The following STAG1 variants were observed in gnomAD, a reference collection of about 807,000 sequenced individuals.
The protein encoded by STAG1 is cohesin subunit SA-1.
STAG1 carries 26 observed loss-of-function variants against 170.9 expected under a neutral mutation model. The ratio of observed to expected loss-of-function variants is 0.15; its 90% confidence interval spans 0.11 to 0.21. The LOEUF (loss-of-function observed/expected upper bound fraction) is 0.21. STAG1 is among the 10% of genes least tolerant of loss of function. The pLI is 1.00. For missense variants in STAG1, 964 were observed against 1,509.5 expected (o/e 0.64, Z 5.99); for synonymous variants, 514 against 497.7 (o/e 1.03, Z -0.44).
chr3:136,591,578 G>T, intron 4 of STAG1: 1 of 429,628 alleles, frequency 2.3e-6, no homozygotes, highest in Non-Finnish European at 4.6e-6. Context: ...AAAATTATCT[G>T]TTAAGTGAGA....
At chr3:136,486,323 G>A (rs373398499) in intron 9 of STAG1, among the ~76,000 whole-genome samples, 1 of 152,074 alleles carries the variant, frequency 6.6e-6, no homozygotes, top group African/African-American at 2.4e-5. Context: ...CCTGACATTT[G>A]GTATTATCCT....
At chr3:136,680,975 A>G (rs1026450418) in intron 1 of STAG1, among the ~76,000 whole-genome samples, 15 of 151,620 alleles carry the variant, frequency 9.9e-5, no homozygotes, top group African/African-American at 3.6e-4. Context: ...TCCTACAAAC[A>G]TCTGTCCATA....
chr3:136,433,887 G>A (rs2088381602), intron 15 of STAG1, among the ~76,000 whole-genome samples: 1 of 151,912 alleles, frequency 6.6e-6, no homozygotes, highest in African/African-American at 2.4e-5. Context: ...ATAAACTCTG[G>A]TCTCTTCTAA....
At chr3:136,355,563 A>C (rs1307096467) in intron 28 of STAG1, among the ~76,000 whole-genome samples, 1 of 152,042 alleles carries the variant, frequency 6.6e-6, no homozygotes, top group Non-Finnish European at 1.5e-5. Flanking sequence ...TATAAACAAA[A>C]CTATAAGCTA....
intron 4 of STAG1, among the ~76,000 whole-genome samples, chr3:136,588,823 G>T (rs1439256546): frequency 1.3e-5 from 2 of 152,036 alleles, no homozygotes; most frequent in Non-Finnish European, 2.9e-5. Context: ...GAGTGCAATG[G>T]CACAATCTCA....
At chr3:136,578,431 G>C (rs1288224600) in intron 4 of STAG1, among the ~76,000 whole-genome samples, 2 of 152,294 alleles carry the variant, frequency 1.3e-5, no homozygotes, top group Non-Finnish European at 2.9e-5. Context: ...CTTTAGGCCT[G>C]GTAGGCAGAA....
At chr3:136,477,464 C>A in intron 9 of STAG1, 52 bp from the exon 10 acceptor site, 1 of 1,463,408 alleles carries the variant, frequency 6.8e-7, no homozygotes, top group African/African-American at 1.4e-5. Context: ...AGCTAGAATG[C>A]ATTCATACTC....
chr3:136,583,619 T>C (rs2107782256), intron 4 of STAG1, among the ~76,000 whole-genome samples: 1 of 152,098 alleles, frequency 6.6e-6, no homozygotes. Context: ...TGAAACCCTG[T>C]CTCTACTAAA....
intron 27 of STAG1, among the ~76,000 whole-genome samples, chr3:136,358,663 C>A (rs1445094770): frequency 6.6e-6 from 1 of 152,288 alleles, no homozygotes; most frequent in Admixed American, 6.5e-5. Flanking sequence ...TAACCTCAAA[C>A]TCCCAGTCTT....
intron 2 of STAG1, among the ~76,000 whole-genome samples, chr3:136,627,312 T>C (rs887520385): frequency 9.5e-4 from 144 of 152,306 alleles, no homozygotes; most frequent in African/African-American, 3.4e-3. Context: ...AAAGTTTCAC[T>C]TTATCTCATC....
chr3:136,690,774 T>A (rs985420218), intron 1 of STAG1, among the ~76,000 whole-genome samples: 1 of 151,942 alleles, frequency 6.6e-6, no homozygotes, highest in Non-Finnish European at 1.5e-5. Flanking sequence ...GATGTGTTGT[T>A]ATGATGTAAA....
rs561583008 is a variant in STAG1, at chr3:136,468,743, T to C, written c.1205+3670A>G. 6.4e-3 allele frequency among the ~76,000 whole-genome samples: 975 copies of C among 152,242 alleles called. 10 individuals carry two copies. The highest frequency in any genetic ancestry group is 0.023 in the African/African-American group (944 of 41,526). On this transcript the variant is annotated intron_variant, in intron 12 of 33. Coordinates refer to ENST00000383202, the MANE Select transcript of STAG1 (RefSeq NM_005862.3). Reference sequence around the variant, plus strand: ...ATTCACGCAAATATCCTCAATAAAATACTGGCAAACCGAATCCAGCAGCAC... The same window carrying C: ...ATTCACGCAAATATCCTCAATAAAACACTGGCAAACCGAATCCAGCAGCAC...
chr3:136,371,043 T>C (rs1334811355), intron 23 of STAG1, among the ~76,000 whole-genome samples: 2 of 152,190 alleles, frequency 1.3e-5, no homozygotes, highest in South Asian at 2.1e-4. Context: ...TTTTTAATGA[T>C]CGCCATTCTA....
At chr3:136,694,458 A>T (rs898872295) in intron 1 of STAG1, among the ~76,000 whole-genome samples, 5 of 151,554 alleles carry the variant, frequency 3.3e-5, no homozygotes, top group East Asian at 1.9e-4. Context: ...TCAACAAAAT[A>T]AAAAAAAATT....
intron 16 of STAG1, among the ~76,000 whole-genome samples, chr3:136,423,868 T>TA (rs2088032845): frequency 6.6e-6 from 1 of 151,792 alleles, no homozygotes; most frequent in South Asian, 2.1e-4. Context: ...TTTTTTTTAT[T>TA]TTTTTTTATT....
At chr3:136,598,010 A>T (rs1938505541) in intron 4 of STAG1, among the ~76,000 whole-genome samples, 1 of 152,164 alleles carries the variant, frequency 6.6e-6, no homozygotes, top group Non-Finnish European at 1.5e-5. Flanking sequence ...ATATTATCAC[A>T]TAATTTTTCT....
chr3:136,626,106 G>C (rs1185263502), intron 2 of STAG1, among the ~76,000 whole-genome samples: 1 of 151,352 alleles, frequency 6.6e-6, no homozygotes, highest in Non-Finnish European at 1.5e-5. Context: ...TATTGTAAAT[G>C]ATGTCCAGGG....
intron 23 of STAG1, among the ~76,000 whole-genome samples, chr3:136,373,121 C>G (rs924968141): frequency 3.3e-5 from 5 of 152,156 alleles, no homozygotes; most frequent in Non-Finnish European, 7.4e-5. Flanking sequence ...TCTAGATTTT[C>G]TAGTTTATTT....
intron 23 of STAG1, among the ~76,000 whole-genome samples, chr3:136,370,497 C>G (rs558173621): frequency 3.3e-5 from 5 of 152,288 alleles, no homozygotes; most frequent in Admixed American, 3.3e-4. Context: ...TCTCCTAATG[C>G]TATCCCTCAC....
Sources: gnomAD v4.1 joint callset for allele counts (sites outside exome capture counted in the v4.1 genomes callset) on GRCh38, gnomAD v4.1.1 for gene constraint, MANE v1.5 for transcripts, NCBI Gene and HGNC (gene_info 2026-07-23, HGNC 2026-07-21) for gene names.